The following NIPSNAP1 variants were observed in gnomAD, a reference collection of about 807,000 sequenced individuals.
The protein encoded by NIPSNAP1 is nipsnap homolog 1.
A neutral mutation model predicts 49.2 loss-of-function variants in NIPSNAP1; 25 were observed. That is an observed-to-expected ratio of 0.51 (90% CI 0.37 to 0.71). The LOEUF is 0.71. Among genes scored for constraint, NIPSNAP1 ranks in the 30% least tolerant of loss-of-function variants. NIPSNAP1 has a pLI of 0.00. For missense variants in NIPSNAP1, 294 were observed against 361.0 expected, an observed-to-expected ratio of 0.81 and a Z score of 1.50; for synonymous variants, 143 against 140.7, an observed-to-expected ratio of 1.02 and a Z score of -0.12.
chr22:29,580,971 G>A lies in NIPSNAP1; in HGVS notation c.98+14C>T. The A allele has an allele frequency of 6.5e-7, 1 of 1,527,376 alleles. No homozygotes were observed. The highest frequency in any genetic ancestry group is 1.2e-5 in the South Asian group (1 of 83,306). The allele number at this position is 1,527,376 out of a possible 1,614,324, so 94.6% of individuals were successfully genotyped here. Reference sequence around the variant, plus strand: ...ACCCCGCGCGCGTCTATCCCTGCCTGGCCGGGCTCTCACCGCGCCGCAGCT... The same window carrying A: ...ACCCCGCGCGCGTCTATCCCTGCCTAGCCGGGCTCTCACCGCGCCGCAGCT... On this transcript the variant is annotated intron_variant, in intron 1 of 9. Coordinates refer to ENST00000216121, the MANE Select transcript of NIPSNAP1 (RefSeq NM_003634.4).
At chr22:29,565,721 C>A (rs1215971982) in intron 4 of NIPSNAP1, among the ~76,000 whole-genome samples, 1 of 151,888 alleles carries the variant, frequency 6.6e-6, no homozygotes, top group Non-Finnish European at 1.5e-5. Flanking sequence ...TGATGGCACA[C>A]GCCTGTAGTC....
intron 4 of NIPSNAP1, among the ~76,000 whole-genome samples, chr22:29,565,847 G>C (rs1305023000): frequency 6.6e-6 from 1 of 152,194 alleles, no homozygotes; most frequent in Admixed American, 6.5e-5. Context: ...ATATGTTAAT[G>C]TCTGTTACGG....
At chr22:29,570,262 A>T (rs2064398418) in intron 2 of NIPSNAP1, 55 bp from the exon 3 acceptor site, 2 of 1,606,394 alleles carry the variant, frequency 1.2e-6, no homozygotes, top group Admixed American at 3.3e-5. Context: ...ACAGGGAAGA[A>T]CTTGGGGTGA....
Position 29,581,072 on chromosome 22 carries a change from C to G in NIPSNAP1, c.11G>C (p.Arg4Pro), listed in dbSNP as rs769966809. The G allele has an allele frequency of 1.1e-4, 163 of 1,541,688 alleles. No homozygotes were observed. Among genetic ancestry groups the G allele is most frequent in the East Asian group, 2.5e-5 (1 of 40,808 alleles). Reference sequence around the variant, plus strand: ...CGCCGTCACAGAGATGCTGCACAGCCGCGGAGCCATGTTGGAGCCGCAAAG... The same window carrying G: ...CGCCGTCACAGAGATGCTGCACAGCGGCGGAGCCATGTTGGAGCCGCAAAG... MAP[R>P]LCSISVTARR... The change falls in exon 1 of 10, where the codon CGG becomes CCG. Residue 4 changes from arginine to proline, a missense_variant. By Grantham distance (103) the Arg-to-Pro change is moderately radical. Around this residue, in one of 4 missense-constraint regions of NIPSNAP1, gnomAD observed 88 missense variants for 76.1 expected, o/e 1.16. Coordinates refer to ENST00000216121, the MANE Select transcript of NIPSNAP1 (RefSeq NM_003634.4).
intron 4 of NIPSNAP1, among the ~76,000 whole-genome samples, chr22:29,567,935 T>C (rs888452015): frequency 3.3e-5 from 5 of 152,038 alleles, no homozygotes; most frequent in Admixed American, 1.3e-4. Flanking sequence ...CCTAGCACTT[T>C]GGGAGGCCGA....
chr22:29,572,289 C>A (rs1450824433), intron 1 of NIPSNAP1, among the ~76,000 whole-genome samples: 1 of 121,510 alleles, frequency 8.2e-6, no homozygotes, highest in African/African-American at 3.3e-5. Flanking sequence ...GGCAACAGAG[C>A]GAGAATCCAT....
chr22:29,555,902 G>A lies in NIPSNAP1; in HGVS notation c.*33C>T. On this transcript the variant is annotated 3_prime_UTR_variant, in exon 10 of 10. Transcript: ENST00000216121. ...CACTGTCTGTCGGGGTTGCCTGAGG[G>A]AGAAGGGGAAGGAGGTGGAGGTGTA... 1 of 1,547,358 alleles carries A rather than the reference G, an allele frequency of 6.5e-7. No homozygotes were observed. Among genetic ancestry groups the A allele is most frequent in the Non-Finnish European group, 8.7e-7 (1 of 1,142,892 alleles).
At chr22:29,577,177 C>G (rs1273767524) in intron 1 of NIPSNAP1, among the ~76,000 whole-genome samples, 1 of 151,082 alleles carries the variant, frequency 6.6e-6, no homozygotes, top group Non-Finnish European at 1.5e-5. Flanking sequence ...CATCCTCTAT[C>G]TCCCAGACTC....
intron 4 of NIPSNAP1, among the ~76,000 whole-genome samples, chr22:29,566,720 A>G (rs1396848139): frequency 1.3e-5 from 2 of 152,064 alleles, no homozygotes; most frequent in Non-Finnish European, 2.9e-5. Flanking sequence ...GCTACTTGGG[A>G]GGCTGAGGTG....
intron 3 of NIPSNAP1, 173 bp downstream of exon 3, chr22:29,569,989 C>CA (rs1020417860): frequency 4.9e-4 from 318 of 647,864 alleles, no homozygotes; most frequent in East Asian, 7.1e-4. Context: ...AACTCCATCT[C>CA]AAAAAAAAAG....
chr22:29,570,304 C>T (rs1187118766), intron 2 of NIPSNAP1, 97 bp from the exon 3 acceptor site: 7 of 1,603,066 alleles, frequency 4.4e-6, no homozygotes, highest in Non-Finnish European at 6.0e-6. Context: ...GGTCCCAGGA[C>T]AGCTGAGGAC....
chr22:29,563,481 C>T (rs1294094177), intron 4 of NIPSNAP1, among the ~76,000 whole-genome samples: 2 of 151,824 alleles, frequency 1.3e-5, no homozygotes, highest in African/African-American at 4.8e-5. Flanking sequence ...GAGCTGAGAT[C>T]GCACCACTGC....
rs143371822 is a variant in NIPSNAP1, at chr22:29,570,587, T to G, written c.99-55A>C. 3.9e-3 allele frequency: 6,096 copies of G among 1,582,890 alleles called. 25 individuals carry two copies. Among genetic ancestry groups the G allele is most frequent in the Admixed American group, 9.8e-3 (543 of 55,212 alleles). Reference sequence around the variant, plus strand: ...GCGGAGGTTGGGGGAGCCCCAGCAATTCCATCCACTTGGATGTCCTGCTCC... The same window carrying G: ...GCGGAGGTTGGGGGAGCCCCAGCAAGTCCATCCACTTGGATGTCCTGCTCC... On this transcript the variant is annotated intron_variant, in intron 1 of 9. Coordinates refer to ENST00000216121, the MANE Select transcript of NIPSNAP1 (RefSeq NM_003634.4).
intron 1 of NIPSNAP1, among the ~76,000 whole-genome samples, chr22:29,579,150 G>A (rs1334535481): frequency 6.6e-6 from 1 of 150,830 alleles, no homozygotes; most frequent in Admixed American, 6.6e-5. Context: ...TCGGCTCACT[G>A]CAACCTCTGT....
Position 29,570,521 on chromosome 22 carries a change from T to C in NIPSNAP1, c.110A>G (p.Lys37Arg). The change falls in exon 2 of 10, where the codon AAG (lysine) becomes AGG (arginine). Residue 37 changes from lysine to arginine, a missense_variant. Lys to Arg is a conservative substitution (Grantham distance 26). This residue lies in a region of NIPSNAP1 where 88 missense variants were observed against 76.1 expected (regional missense o/e 1.16). Coordinates refer to ENST00000216121, the MANE Select transcript of NIPSNAP1 (RefSeq NM_003634.4). Reference sequence around the variant, plus strand: ...GCGGAACCAGCTGCCTTCATTGTCCTTGGAATAGAAACTGCAGGACAGAGG... The same window carrying C: ...GCGGAACCAGCTGCCTTCATTGTCCCTGGAATAGAAACTGCAGGACAGAGG... ...ASAAAARFYS[K>R]DNEGSWFRSL... 6.2e-7 allele frequency: 1 copy of C among 1,613,650 alleles called. No homozygotes were observed.
Position 29,564,190 on chromosome 22 carries a change from AACTCAG to A in NIPSNAP1, c.368-2334_368-2329del, listed in dbSNP as rs1300531775. 3.7e-5 allele frequency: 14 copies of A among 382,532 alleles called. No homozygotes were observed. In the Admixed American group the frequency reaches 4.7e-4, roughly 13 times the overall value. 23.7% of individuals were successfully genotyped at this position (382,532 alleles called of 1,614,324 possible). ...GGCAGCTGGCTGCCAGCAGTCTAGAAACTCAGACTCTGTAACTTCCCATCCCCATCC... is the reference window on the plus strand; with the variant it reads ...GGCAGCTGGCTGCCAGCAGTCTAGAAACTCTGTAACTTCCCATCCCCATCC... On this transcript the variant is annotated intron_variant, in intron 4 of 9. Coordinates refer to ENST00000216121, the MANE Select transcript of NIPSNAP1 (RefSeq NM_003634.4).
chr22:29,569,935 G>A, intron 3 of NIPSNAP1: 1 of 549,514 alleles, frequency 1.8e-6, no homozygotes, highest in Non-Finnish European at 3.3e-6. Context: ...GTTGCAGTGA[G>A]CCGAGATCGC....
At chr22:29,559,097 T>C (rs2064316131) in intron 8 of NIPSNAP1, 144 bp from the exon 9 acceptor site, 1 of 707,918 alleles carries the variant, frequency 1.4e-6, no homozygotes, top group South Asian at 1.5e-5. Flanking sequence ...TAGCAAACAC[T>C]GTCTGCTTTA....
At chr22:29,572,273 C>T (rs1032763804) in intron 1 of NIPSNAP1, among the ~76,000 whole-genome samples, 3 of 143,612 alleles carry the variant, frequency 2.1e-5, no homozygotes, top group African/African-American at 5.2e-5. Flanking sequence ...ATCACACTCC[C>T]GCCTGGGCAA....
Sources: allele counts gnomAD v4.1 joint callset (sites outside exome capture counted in the v4.1 genomes callset), GRCh38; gene constraint gnomAD v4.1.1; regional missense constraint gnomAD v4.1.1; transcripts MANE v1.5; gene names NCBI Gene and HGNC (gene_info 2026-07-23, HGNC 2026-07-21).